The following PPP2R2C variants were observed in gnomAD, a reference collection of about 807,000 sequenced individuals.
The protein encoded by PPP2R2C is protein phosphatase 2 regulatory subunit Bgamma, also known as protein phosphatase 2, regulatory subunit B, gamma.
In PPP2R2C, 10 loss-of-function variants were observed where a neutral mutation model predicts 45.3. The ratio of observed to expected loss-of-function variants is 0.22; its 90% CI spans 0.14 to 0.37. The LOEUF is 0.37. PPP2R2C is among the 10% of genes least tolerant of loss of function. The probability of loss-of-function intolerance (pLI) is 1.00; values close to 1 mark genes in which losing one functional copy is unlikely to be tolerated. For synonymous variants in PPP2R2C, 257 were observed against 245.4 expected, an observed-to-expected ratio of 1.05 and a Z score of -0.44; for missense variants, 308 against 619.7, an observed-to-expected ratio of 0.50 and a Z score of 5.34.
At chr4:6,545,604 T>A (rs73796247) in intron 1 of PPP2R2C, among the ~76,000 whole-genome samples, 25 of 152,196 alleles carry the variant, frequency 1.6e-4, no homozygotes, top group African/African-American at 5.8e-4. Flanking sequence ...CAGACATGAA[T>A]GCACTCAGCC....
upstream of PPP2R2C, among the ~76,000 whole-genome samples, chr4:6,473,854 T>C (rs1272596450): frequency 6.6e-6 from 1 of 152,056 alleles, no homozygotes; most frequent in Non-Finnish European, 1.5e-5. Context: ...GCCTTTGAAA[T>C]CCCCAGAATG....
At chr4:6,402,540 C>A (rs1358214696) in intron 1 of PPP2R2C, among the ~76,000 whole-genome samples, 1 of 152,188 alleles carries the variant, frequency 6.6e-6, no homozygotes. Context: ...CACCCTCACG[C>A]CCTCCATTTC....
At chr4:6,505,672 A>G (rs911666005) in intron 2 of PPP2R2C, among the ~76,000 whole-genome samples, 1 of 152,230 alleles carries the variant, frequency 6.6e-6, no homozygotes, top group African/African-American at 2.4e-5. Flanking sequence ...ATTTTTATAA[A>G]TCCAAGAATA....
intron 5 of PPP2R2C, 129 bp from the exon 6 acceptor site, chr4:6,348,139 G>A: frequency 9.1e-7 from 1 of 1,096,276 alleles, no homozygotes; most frequent in Non-Finnish European, 1.3e-6. Context: ...CTCTGTTCCT[G>A]AGACCCTCAA....
rs1315016432 is a variant in PPP2R2C at position 6,414,070 on chromosome 4, CTGTGTATGTGTG to C, written c.71-32988_71-32977del. On this transcript the variant is annotated intron_variant, in intron 1 of 8. Transcript: ENST00000382599. ...CATGGGACAGTAACATAAGTTTTGCCTGTGTATGTGTGTGTGTGTGTGTGTGTGTGTGTGTGT... is the reference window on the plus strand; with the variant it reads ...CATGGGACAGTAACATAAGTTTTGCCTGTGTGTGTGTGTGTGTGTGTGTGT... 1,113 of 1,202,206 alleles carry C rather than the reference CTGTGTATGTGTG, an allele frequency of 9.3e-4. 35 individuals are homozygous for C. Among genetic ancestry groups the C allele is most frequent in the African/African-American group, 3.2e-3 (180 of 56,256 alleles). 74.5% of individuals were successfully genotyped at this position (1,202,206 alleles called of 1,614,324 possible). A position where few individuals can be genotyped will look rare whatever the true frequency, so the allele number is the denominator to read the frequency against.
Position 6,375,824 on chromosome 4 carries a change from G to A in PPP2R2C, c.442C>T (p.Leu148=). 1.2e-6 allele frequency: 2 copies of A among 1,612,180 alleles called. No individual in the cohort carries two copies. The highest frequency in any genetic ancestry group is 3.3e-4 in the Middle Eastern group (2 of 6,010). Residue 148 remains leucine, a synonymous_variant, in exon 4 of 9, where the codon CTG becomes TTG. Coordinates refer to ENST00000382599, the MANE Select transcript of PPP2R2C (RefSeq NM_020416.4). ...KLKDLSTVTS[L]QVPVLKPMDL... ...TCCCCCTCACCGGAGCTCACCTGCA[G>A]TGACGTCACCGTGGACAGGTCCTTA...
chr4:6,519,197 G>A (rs1289021550), intron 2 of PPP2R2C, among the ~76,000 whole-genome samples: 1 of 152,094 alleles, frequency 6.6e-6, no homozygotes, highest in East Asian at 1.9e-4. Context: ...GCTGTGTTGG[G>A]CCCCCAGCTA....
intron 5 of PPP2R2C, among the ~76,000 whole-genome samples, chr4:6,355,704 G>A (rs993996378): frequency 2.0e-5 from 3 of 152,046 alleles, no homozygotes; most frequent in East Asian, 3.9e-4. Flanking sequence ...CAAGAGTGCT[G>A]TGCTGGCCGG....
chr4:6,386,027 G>A (rs759341755), intron 1 of PPP2R2C, among the ~76,000 whole-genome samples: 11 of 152,260 alleles, frequency 7.2e-5, no homozygotes, highest in East Asian at 3.9e-4. Context: ...ATTACTGTCT[G>A]CCAGGCCCTG....
intron 1 of PPP2R2C, among the ~76,000 whole-genome samples, chr4:6,405,530 C>A (rs1175167774): frequency 6.6e-6 from 1 of 152,184 alleles, no homozygotes; most frequent in Non-Finnish European, 1.5e-5. Context: ...GAAGGGACCC[C>A]AAGGGCAACC....
At position 6,472,275 on chromosome 4, in the gene PPP2R2C, C is replaced by T. The variant is rs766500769; in HGVS notation, c.-46G>A. 9 of 1,609,776 alleles carry T rather than the reference C, an allele frequency of 5.6e-6. No homozygotes were observed. Among genetic ancestry groups the T allele is most frequent in the Non-Finnish European group, 3.4e-6 (4 of 1,178,026 alleles). ...CTGGGCATGCCCCGCCGCCACACAC[C>T]GATGCAATCCGCAGAGGTCGCGCCG... On this transcript the variant is annotated 5_prime_UTR_variant, in exon 1 of 9. Coordinates refer to ENST00000382599, the MANE Select transcript of PPP2R2C (RefSeq NM_020416.4).
intron 1 of PPP2R2C, among the ~76,000 whole-genome samples, chr4:6,385,164 C>A (rs1008297849): frequency 6.6e-6 from 1 of 152,122 alleles, no homozygotes; most frequent in Non-Finnish European, 1.5e-5. Context: ...TGGATCTGGG[C>A]GCCCAACCTC....
chr4:6,351,752 G>A (rs568026787), intron 5 of PPP2R2C, among the ~76,000 whole-genome samples: 1 of 152,194 alleles, frequency 6.6e-6, no homozygotes, highest in Admixed American at 6.5e-5. Context: ...AAGCAGTCCC[G>A]AGCCTCTGAA....
intron 1 of PPP2R2C, among the ~76,000 whole-genome samples, chr4:6,439,918 C>T (rs973977758): frequency 6.6e-6 from 1 of 152,144 alleles, no homozygotes; most frequent in Non-Finnish European, 1.5e-5. Context: ...TAGGTGCCAA[C>T]CCTCCACTCC....
At chr4:6,362,797 C>T (rs16838603) in intron 5 of PPP2R2C, among the ~76,000 whole-genome samples, 2,636 of 152,266 alleles carry the variant, frequency 0.017, 92 homozygotes, top group African/African-American at 0.06. Context: ...GACTGAGAGG[C>T]GGTGTAGCAT....
chr4:6,403,776 T>A (rs1717604853), intron 1 of PPP2R2C, among the ~76,000 whole-genome samples: 1 of 150,944 alleles, frequency 6.6e-6, no homozygotes, highest in Non-Finnish European at 1.5e-5. Flanking sequence ...GGCAGGAGAA[T>A]CGCTTGAACC....
chr4:6,350,592 G>A (rs1479722577), intron 5 of PPP2R2C: 2 of 985,310 alleles, frequency 2.0e-6, no homozygotes, highest in Non-Finnish European at 2.4e-6. Flanking sequence ...ATGGGGCGCA[G>A]TGGGTGCAGG....
At chr4:6,463,782 C>T (rs182876929) in intron 1 of PPP2R2C, among the ~76,000 whole-genome samples, 1 of 152,354 alleles carries the variant, frequency 6.6e-6, no homozygotes, top group Non-Finnish European at 1.5e-5. Flanking sequence ...AGTCCCTGGA[C>T]CACGTGTCCA....
At chr4:6,456,319 CT>C (rs1238415271) in intron 1 of PPP2R2C, among the ~76,000 whole-genome samples, 2 of 122,408 alleles carry the variant, frequency 1.6e-5, no homozygotes, top group African/African-American at 2.8e-5. Context: ...CCCCCCCCCC[CT>C]TTATTCTACT....
Sources: gnomAD v4.1 joint callset for allele counts (sites outside exome capture counted in the v4.1 genomes callset) on GRCh38, gnomAD v4.1.1 for gene constraint, MANE v1.5 for transcripts, NCBI Gene and HGNC (gene_info 2026-07-23, HGNC 2026-07-21) for gene names.